NALF1: variants seen among roughly 807,000 people sequenced by gnomAD.
The protein encoded by NALF1 is NALCN channel auxiliary factor 1.
In NALF1, 3 loss-of-function variants were observed where a neutral mutation model predicts 48.4. The ratio of observed to expected loss-of-function variants is 0.06; its 90% CI spans 0.03 to 0.16. The LOEUF is 0.16. Ranked by LOEUF, NALF1 falls within the 10% of genes least tolerant of loss-of-function variation. The pLI is 1.00. For missense variants in NALF1, 526 were observed against 571.5 expected (o/e 0.92, Z 0.81); for synonymous variants, 262 against 245.7 (o/e 1.07, Z -0.62).
intron 1 of NALF1, among the ~76,000 whole-genome samples, chr13:107,219,346 A>C (rs1879943957): frequency 6.6e-6 from 1 of 152,216 alleles, no homozygotes; most frequent in Non-Finnish European, 1.5e-5. Flanking sequence ...ATCCTATTAA[A>C]ATTTATATCT....
chr13:107,688,536 C>T (rs185393302), intron 1 of NALF1, among the ~76,000 whole-genome samples: 33 of 152,178 alleles, frequency 2.2e-4, no homozygotes, highest in African/African-American at 7.5e-4. Context: ...CATGGCAAAG[C>T]CCTTTTCAAT....
chr13:107,474,918 T>C (rs1241946830), intron 1 of NALF1, among the ~76,000 whole-genome samples: 1 of 152,206 alleles, frequency 6.6e-6, no homozygotes, highest in Non-Finnish European at 1.5e-5. Flanking sequence ...GGGTCCCTAA[T>C]TTCATACCAG....
intron 1 of NALF1, among the ~76,000 whole-genome samples, chr13:107,418,489 C>T (rs951840002): frequency 2.6e-5 from 4 of 152,058 alleles, no homozygotes; most frequent in Admixed American, 1.3e-4. Flanking sequence ...TTGTTTCTCT[C>T]GGTTGCTAAG....
chr13:107,554,855 A>G (rs1877410019), intron 1 of NALF1, among the ~76,000 whole-genome samples: 1 of 152,080 alleles, frequency 6.6e-6, no homozygotes, highest in Admixed American at 6.6e-5. Flanking sequence ...CAGAATTCAC[A>G]AGCAGGCTGG....
At chr13:107,262,210 T>A (rs9520352) in intron 1 of NALF1, among the ~76,000 whole-genome samples, 36,790 of 151,850 alleles carry the variant, frequency 0.24, 5,601 homozygotes, top group East Asian at 0.52. Context: ...AAATTAAGAG[T>A]TCTAAACCAG....
intron 1 of NALF1, among the ~76,000 whole-genome samples, chr13:107,497,734 C>T (rs1875387093): frequency 6.6e-6 from 1 of 152,180 alleles, no homozygotes; most frequent in African/African-American, 2.4e-5. Context: ...AGGTTTTTCT[C>T]ATCTATTACA....
intron 1 of NALF1, among the ~76,000 whole-genome samples, chr13:107,840,711 T>C (rs1239558999): frequency 6.6e-6 from 1 of 152,168 alleles, no homozygotes; most frequent in Non-Finnish European, 1.5e-5. Context: ...CTCTCATACA[T>C]GGAGACAAAA....
chr13:107,843,601 G>A (rs1880096723), intron 1 of NALF1, among the ~76,000 whole-genome samples: 1 of 152,078 alleles, frequency 6.6e-6, no homozygotes, highest in Non-Finnish European at 1.5e-5. Context: ...CCTGGTAAAA[G>A]TAAATGAAAT....
Position 107,568,523 on chromosome 13 carries a change from C to T in NALF1, c.915+297159G>A, listed in dbSNP as rs147783042. The stretch of plus-strand genomic sequence containing the variant: ...CCATTTTTAGTTTTGAAAGGCAGTA[C>T]CAAACTATTTTTGGAATAGCTGTAC... On this transcript the variant is annotated intron_variant, in intron 1 of 2. Transcript: ENST00000375915. 6.2e-3 allele frequency among the ~76,000 whole-genome samples: 937 copies of T among 152,294 alleles called. 7 individuals are homozygous for T. The highest frequency in any genetic ancestry group is 0.021 in the African/African-American group (858 of 41,564).
chr13:107,276,355 T>C (rs1353285492), intron 1 of NALF1, among the ~76,000 whole-genome samples: 2 of 152,212 alleles, frequency 1.3e-5, no homozygotes, highest in Non-Finnish European at 2.9e-5. Context: ...AGAATAGCTA[T>C]TAAACACATA....
At chr13:107,849,737 A>G (rs771256332) in intron 1 of NALF1, among the ~76,000 whole-genome samples, 17 of 152,148 alleles carry the variant, frequency 1.1e-4, no homozygotes, top group African/African-American at 3.6e-4. Flanking sequence ...AGAACCTGCC[A>G]CTGTGTTTCG....
At chr13:107,264,199 A>G (rs759707494) in intron 1 of NALF1, among the ~76,000 whole-genome samples, 1 of 152,200 alleles carries the variant, frequency 6.6e-6, no homozygotes, top group Non-Finnish European at 1.5e-5. Flanking sequence ...GGCAAATTAA[A>G]TTTTTTATCA....
intron 1 of NALF1, among the ~76,000 whole-genome samples, chr13:107,423,122 T>C (rs1182349806): frequency 6.6e-6 from 1 of 152,220 alleles, no homozygotes; most frequent in East Asian, 1.9e-4. Context: ...AGTGATGATG[T>C]ACTGACTCTG....
chr13:107,320,498 G>A (rs980597278), intron 1 of NALF1, among the ~76,000 whole-genome samples: 7 of 152,020 alleles, frequency 4.6e-5, no homozygotes, highest in East Asian at 3.9e-4. Flanking sequence ...CAGAGAATGA[G>A]GTCAAGGGAC....
At chr13:107,541,848 C>A (rs995256675) in intron 1 of NALF1, among the ~76,000 whole-genome samples, 10 of 152,082 alleles carry the variant, frequency 6.6e-5, no homozygotes, top group African/African-American at 1.9e-4. Flanking sequence ...TTAAGTATAG[C>A]TCCAAGAACT....
chr13:107,377,129 C>T (rs1249517472), intron 1 of NALF1, among the ~76,000 whole-genome samples: 2 of 152,212 alleles, frequency 1.3e-5, no homozygotes, highest in African/African-American at 4.8e-5. Flanking sequence ...GCTCCCACCC[C>T]ACCCCCAGTG....
chr13:107,818,743 G>A (rs1286390056), intron 1 of NALF1, among the ~76,000 whole-genome samples: 2 of 144,636 alleles, frequency 1.4e-5, no homozygotes, highest in Non-Finnish European at 3.0e-5. Context: ...GTGGTAGCGG[G>A]CGCCTGTAGT....
chr13:107,310,042 T>C (rs973845008), intron 1 of NALF1, among the ~76,000 whole-genome samples: 9 of 152,124 alleles, frequency 5.9e-5, no homozygotes, highest in Admixed American at 3.3e-4. Flanking sequence ...GGTATGCAAA[T>C]GTTGGGTTAG....
chr13:107,380,977 CAAA>C (rs1216225434), intron 1 of NALF1, among the ~76,000 whole-genome samples: 4 of 53,408 alleles, frequency 7.5e-5, no homozygotes, highest in Non-Finnish European at 3.9e-5. Context: ...GACACGGTCT[CAAA>C]AAAAAAAAAA....
Sources: allele counts gnomAD v4.1 joint callset (sites outside exome capture counted in the v4.1 genomes callset), GRCh38; gene constraint gnomAD v4.1.1; transcripts MANE v1.5; gene names NCBI Gene and HGNC (gene_info 2026-07-23, HGNC 2026-07-21).